Variants in SH3RF2 observed in about 807,000 individuals in gnomAD.
The protein encoded by SH3RF2 is SH3 domain containing ring finger 2, also known as E3 ubiquitin-protein ligase SH3RF2.
Under a neutral mutation model 59.0 loss-of-function variants are expected in SH3RF2, and 43 were observed. The observed-to-expected ratio is 0.73, with a 90% CI of 0.57 to 0.94. The LOEUF (loss-of-function observed/expected upper bound fraction) is 0.94. SH3RF2 is among the 40% of genes least tolerant of loss of function. The pLI is 0.00. For missense variants in SH3RF2, 930 were observed against 940.1 expected (o/e 0.99, Z 0.14); for synonymous variants, 391 against 391.5 (o/e 1.00, Z 0.01).
At chr5:145,953,498 A>G (rs985892805) in intron 2 of SH3RF2, among the ~76,000 whole-genome samples, 1 of 152,136 alleles carries the variant, frequency 6.6e-6, no homozygotes, top group African/African-American at 2.4e-5. Flanking sequence ...AACCATGGTA[A>G]TTGTGTTAGG....
intron 9 of SH3RF2, among the ~76,000 whole-genome samples, chr5:146,078,050 A>G (rs1167148433): frequency 6.6e-6 from 1 of 152,206 alleles, no homozygotes; most frequent in African/African-American, 2.4e-5. Flanking sequence ...CTTATGGTCA[A>G]GTGCCAACCT....
chr5:146,049,274 G>T (rs1762411756), intron 7 of SH3RF2, 29 bp downstream of exon 7: 1 of 1,579,390 alleles, frequency 6.3e-7, no homozygotes, highest in African/African-American at 1.3e-5. Flanking sequence ...CAGACTTTGG[G>T]AGGTTGGGCC....
In SH3RF2 at chr5:146,071,982, TC is replaced by T. The variant is rs147848338; in HGVS notation, c.*34-6477del. 7.0e-3 allele frequency among the ~76,000 whole-genome samples: 1,059 copies of T among 152,318 alleles called. 19 individuals carry two copies. The highest frequency in any genetic ancestry group is 0.023 in the African/African-American group (955 of 41,562). ...GAGTACAATAGCAAGCTAGGCTCTATCAGACAGAAGTGAGAGGAGAGAACAG... is the reference window on the plus strand; with the variant it reads ...GAGTACAATAGCAAGCTAGGCTCTATAGACAGAAGTGAGAGGAGAGAACAG... On this transcript the variant is annotated intron_variant, in intron 9 of 9. Coordinates refer to the SH3RF2 transcript ENST00000511217.
chr5:145,943,364 A>T (rs1321691352), intron 2 of SH3RF2, among the ~76,000 whole-genome samples: 1 of 152,238 alleles, frequency 6.6e-6, no homozygotes, highest in Non-Finnish European at 1.5e-5. Context: ...AAAAAGGGGC[A>T]GAATGAGGTG....
chr5:145,982,801 CCCT>C (rs1759553349), intron 2 of SH3RF2, among the ~76,000 whole-genome samples: 1 of 152,124 alleles, frequency 6.6e-6, no homozygotes, highest in East Asian at 1.9e-4. Flanking sequence ...GGAAACCTGA[CCCT>C]GACATGGACA....
Position 146,047,511 on chromosome 5 carries a change from C to T in SH3RF2, c.1060-261C>T, listed in dbSNP as rs184764566. Among the ~76,000 whole-genome samples the T allele has an allele frequency of 4.1e-4, 62 of 152,070 alleles. 1 individual carries two copies. The highest frequency in any genetic ancestry group is 1.6e-3 in the Admixed American group (25 of 15,260). ...AGTGCCCTGTGGACTGTAAATTGGACGGCTCTTCATCTTCCACCCTATCTG... is the reference window on the plus strand; with the variant it reads ...AGTGCCCTGTGGACTGTAAATTGGATGGCTCTTCATCTTCCACCCTATCTG... On this transcript the variant is annotated intron_variant, in intron 5 of 9. Coordinates refer to ENST00000359120, the MANE Select transcript of SH3RF2 (RefSeq NM_152550.4).
intron 2 of SH3RF2, among the ~76,000 whole-genome samples, chr5:145,955,359 C>T (rs1758352537): frequency 6.6e-6 from 1 of 152,036 alleles, no homozygotes; most frequent in African/African-American, 2.4e-5. Context: ...ACATTGGGTA[C>T]TCATGGTCAT....
At chr5:145,958,530 G>A (rs1333334872) in intron 2 of SH3RF2, among the ~76,000 whole-genome samples, 1 of 152,106 alleles carries the variant, frequency 6.6e-6, no homozygotes, top group African/African-American at 2.4e-5. Context: ...TTTATCACAG[G>A]TTTTCTTTTA....
intron 5 of SH3RF2, among the ~76,000 whole-genome samples, chr5:146,015,998 G>A (rs1220922775): frequency 6.6e-6 from 1 of 152,172 alleles, no homozygotes; most frequent in Non-Finnish European, 1.5e-5. Flanking sequence ...CTTGAGAGCT[G>A]TGGTTGGGTC....
Position 146,049,250 on chromosome 5 carries a change from G to A in SH3RF2, c.1322+5G>A. On this transcript the variant is annotated splice_donor_5th_base_variant and intron_variant, in intron 7 of 9. Coordinates refer to ENST00000359120, the MANE Select transcript of SH3RF2 (RefSeq NM_152550.4). ...TTACGTCATCCCCATTTTCAGGTGT[G>A]TCGCCTCCAATCCCAGACTTTGGGA... is the stretch of plus-strand genomic sequence containing the variant. The A allele has an allele frequency of 6.3e-7, 1 of 1,598,808 alleles. No individual in the cohort carries two copies. Among genetic ancestry groups the A allele is most frequent in the African/African-American group, 1.3e-5 (1 of 74,836 alleles).
intron 4 of SH3RF2, among the ~76,000 whole-genome samples, chr5:146,010,764 A>T (rs1760851736): frequency 6.6e-6 from 1 of 152,130 alleles, no homozygotes; most frequent in Non-Finnish European, 1.5e-5. Flanking sequence ...AGTTCATTGT[A>T]GATTCTGGAT....
At chr5:145,997,190 A>G (rs773611926) in intron 2 of SH3RF2, 67 of 770,032 alleles carry the variant, frequency 8.7e-5, no homozygotes, top group Middle Eastern at 2.8e-4. Context: ...ACCATTGTCA[A>G]TGTCTCAGAT....
rs775960631 is a variant in SH3RF2, at chr5:146,060,058, C to T, written c.1748C>T (p.Thr583Met). 6.2e-6 allele frequency: 10 copies of T among 1,613,796 alleles called. No individual in the cohort carries two copies. Among genetic ancestry groups the T allele is most frequent in the South Asian group, 2.2e-5 (2 of 91,006 alleles). The change falls in exon 9 of 10, where the codon ACG becomes ATG. Residue 583 changes from threonine to methionine, a missense_variant. Physicochemically the swap from Thr to Met is moderately conservative, Grantham distance 81. Coordinates refer to ENST00000359120, the MANE Select transcript of SH3RF2 (RefSeq NM_152550.4). ...KPALTGEPAL[T>M]CISRGSEAWI... ...GCCCTCACGGGGGAGCCCGCCCTCACGTGCATCAGCAGGGGCAGTGAGGCC... is the reference window on the plus strand; with the variant it reads ...GCCCTCACGGGGGAGCCCGCCCTCATGTGCATCAGCAGGGGCAGTGAGGCC...
intron 5 of SH3RF2, among the ~76,000 whole-genome samples, chr5:146,045,702 A>G (rs1402810738): frequency 1.3e-5 from 2 of 152,176 alleles, no homozygotes; most frequent in Admixed American, 1.3e-4. Context: ...GTATGGTTGT[A>G]CCATATTTTG....
At position 145,938,140 on chromosome 5, in the gene SH3RF2, G is replaced by A. The variant is rs1757670323; in HGVS notation, c.212G>A (p.Arg71His). ...CTGCCGGCCAACCTGCTGCTCGTGC[G>A]CCTTCTGGATGGAGTGCGCTCAGGG... ...EALPANLLLVRLLDGVRSGQS... is the reference protein window; with the variant it reads ...EALPANLLLVHLLDGVRSGQS... Residue 71 changes from arginine (R) to histidine (H), a missense_variant, in exon 2 of 10, where the codon CGC (arginine) becomes CAC (histidine). Physicochemically the swap from Arg to His is conservative, Grantham distance 29. Coordinates refer to ENST00000359120, the MANE Select transcript of SH3RF2 (RefSeq NM_152550.4). The A allele has an allele frequency of 3.1e-6, 5 of 1,614,072 alleles. No homozygotes were observed. Among genetic ancestry groups the A allele is most frequent in the South Asian group, 2.2e-5 (2 of 91,088 alleles).
chr5:146,002,738 GATTAGTGGCAGC>G (rs1760479421), intron 3 of SH3RF2, among the ~76,000 whole-genome samples: 1 of 152,190 alleles, frequency 6.6e-6, no homozygotes, highest in Admixed American at 6.5e-5. Flanking sequence ...CCTTCTGTCA[GATTAGTGGCAGC>G]ATTAGATTCT....
chr5:145,998,462 T>C (rs1424791614), intron 2 of SH3RF2, among the ~76,000 whole-genome samples: 1 of 150,826 alleles, frequency 6.6e-6, no homozygotes, highest in East Asian at 1.9e-4. Context: ...TTTTTTTCCA[T>C]TTCCTAGAGC....
chr5:145,960,036 C>CATGT (rs907459355), intron 2 of SH3RF2, among the ~76,000 whole-genome samples: 48 of 152,204 alleles, frequency 3.2e-4, no homozygotes, highest in Admixed American at 9.8e-4. Context: ...TGTATGTATG[C>CATGT]ATGTATGTAT....
intron 4 of SH3RF2, among the ~76,000 whole-genome samples, chr5:146,008,341 C>T (rs1036668192): frequency 3.9e-5 from 6 of 152,128 alleles, no homozygotes; most frequent in Admixed American, 2.0e-4. Context: ...GAAAAGCTGA[C>T]GGTGGTACTC....
Sources: allele counts gnomAD v4.1 joint callset (sites outside exome capture counted in the v4.1 genomes callset), GRCh38; gene constraint gnomAD v4.1.1; transcripts MANE v1.5; gene names NCBI Gene and HGNC (gene_info 2026-07-23, HGNC 2026-07-21).